The following GLIS1 variants were observed in gnomAD, a reference collection of about 807,000 sequenced individuals.
The protein encoded by GLIS1 is GLIS family zinc finger 1.
GLIS1 carries 24 observed loss-of-function variants against 63.8 expected under a neutral mutation model. That is an observed-to-expected ratio of 0.38 (90% confidence interval 0.27 to 0.53). The LOEUF is 0.53. GLIS1 is among the 20% of genes least tolerant of loss of function. The pLI is 0.85. For missense variants in GLIS1, 1,036 were observed against 1,074.1 expected, an observed-to-expected ratio of 0.96 and a Z score of 0.50; for synonymous variants, 450 against 482.5, an observed-to-expected ratio of 0.93 and a Z score of 0.88.
intron 2 of GLIS1, among the ~76,000 whole-genome samples, chr1:53,657,343 G>A (rs567897928): frequency 6.6e-6 from 1 of 152,280 alleles, no homozygotes; most frequent in Non-Finnish European, 1.5e-5. Context: ...AGTCTTCAGA[G>A]GACTCAGATC....
chr1:53,600,034 G>C (rs1365189202), intron 3 of GLIS1, 67 bp downstream of exon 3: 4 of 901,612 alleles, frequency 4.4e-6, no homozygotes, highest in Non-Finnish European at 5.8e-6. Flanking sequence ...AAGAGGAGGT[G>C]AGGCCTGAGG....
Position 53,646,931 on chromosome 1 carries a change from A to C in GLIS1, c.260-46653T>G, listed in dbSNP as rs1342501843. On this transcript the variant is annotated intron_variant, in intron 2 of 10. Transcript: ENST00000628545. This position sits in a 1 kb window ranked among gnomAD's most constrained non-coding sequence, Gnocchi z 4.2. ...AGGAAGGGAAGGAAGGAAGGAAGGA[A>C]AGAAGGAAGGAAAGGGAAGGGAAGG... 1.4e-5 allele frequency among the ~76,000 whole-genome samples: 2 copies of C among 146,424 alleles called. No homozygotes were observed. Among genetic ancestry groups the C allele is most frequent in the African/African-American group, 5.1e-5 (2 of 39,112 alleles).
chr1:53,530,009 T>G (rs935844760), intron 4 of GLIS1, 57 bp from the exon 5 acceptor site: 211 of 1,550,780 alleles, frequency 1.4e-4, no homozygotes, highest in Non-Finnish European at 1.8e-4. Context: ...CAACCCTGCA[T>G]GGAAACTAAC....
intron 2 of GLIS1, among the ~76,000 whole-genome samples, chr1:53,615,139 G>T (rs1015747370): frequency 1.3e-5 from 2 of 152,130 alleles, no homozygotes; most frequent in Non-Finnish European, 2.9e-5. Context: ...ATAGTTCCCT[G>T]TCCCTCCTGG....
At position 53,560,406 on chromosome 1, in the gene GLIS1, C is replaced by T. The variant is rs1001055017; in HGVS notation, c.1321-30454G>A. 1.3e-5 allele frequency among the ~76,000 whole-genome samples: 2 copies of T among 152,306 alleles called. No homozygotes were observed. Among genetic ancestry groups the T allele is most frequent in the Non-Finnish European group, 1.5e-5 (1 of 68,020 alleles). On this transcript the variant is annotated intron_variant, in intron 4 of 10. Coordinates refer to ENST00000628545, the MANE Select transcript of GLIS1 (RefSeq NM_001367484.1). This position sits in a 1 kb window ranked among gnomAD's most constrained non-coding sequence, Gnocchi z 4.4. ...TCACGAGTCAGGCAGGAGCTCGCTC[C>T]CTGTTTGCAAGGGCAGGGGTTCCAC...
chr1:53,707,447 C>T (rs1646591524), intron 2 of GLIS1, among the ~76,000 whole-genome samples: 1 of 152,190 alleles, frequency 6.6e-6, no homozygotes, highest in Non-Finnish European at 1.5e-5. Context: ...GTCAGGAGTT[C>T]AAGACAAGCC....
In GLIS1 at chr1:53,582,838, G is replaced by A. The variant is rs578028335; in HGVS notation, c.1320+11270C>T. The stretch of plus-strand genomic sequence containing the variant: ...GCAAATGTGAAGATCCAGGCAGTCG[G>A]CCTTGTGGCCTAGCTGAGGCACCTT... On this transcript the variant is annotated intron_variant, in intron 4 of 10. Transcript: ENST00000628545. Among the ~76,000 whole-genome samples the A allele has an allele frequency of 2.6e-5, 4 of 152,252 alleles. No individual in the cohort carries two copies. The East Asian group carries it at 7.7e-4, about 29-fold the overall frequency.
chr1:53,580,754 G>A (rs1012908532), intron 4 of GLIS1, among the ~76,000 whole-genome samples: 5 of 152,092 alleles, frequency 3.3e-5, no homozygotes, highest in Non-Finnish European at 5.9e-5. Flanking sequence ...AACCAATGCC[G>A]CTTTCCTTCC....
chr1:53,727,144 G>T (rs183117518), intron 2 of GLIS1, among the ~76,000 whole-genome samples: 1 of 152,200 alleles, frequency 6.6e-6, no homozygotes, highest in Non-Finnish European at 1.5e-5. Context: ...ACTCAGTTCC[G>T]ACTCTAAAAG....
chr1:53,621,804 G>A (rs1645545663), intron 2 of GLIS1, among the ~76,000 whole-genome samples: 2 of 151,980 alleles, frequency 1.3e-5, no homozygotes, highest in African/African-American at 4.8e-5. Flanking sequence ...AGACATCAAT[G>A]TTTCATACAG....
chr1:53,542,293 C>A (rs1002431316), intron 4 of GLIS1, among the ~76,000 whole-genome samples: 2 of 152,258 alleles, frequency 1.3e-5, no homozygotes, highest in African/African-American at 4.8e-5. Flanking sequence ...CAGACAGGAG[C>A]AAATTCCTGG....
At chr1:53,642,961 G>A (rs1645803099) in intron 2 of GLIS1, among the ~76,000 whole-genome samples, 1 of 152,174 alleles carries the variant, frequency 6.6e-6, no homozygotes, top group Admixed American at 6.5e-5. Context: ...AACAACTCAG[G>A]AATTGTGAGC....
rs1381459382 is a variant in GLIS1, at chr1:53,526,537, A to G, written c.1483-1650T>C. ...TCTCTCACACACCATACACACACAC[A>G]CACACACACACACACAAAACCACCA... On this transcript the variant is annotated intron_variant, in intron 5 of 10. Transcript: ENST00000628545. This position sits in a 1 kb window ranked among gnomAD's most constrained non-coding sequence, Gnocchi z 4.4. Among the ~76,000 whole-genome samples, 1 of 151,310 alleles carries G rather than the reference A, an allele frequency of 6.6e-6. No individual in the cohort carries two copies. The highest frequency in any genetic ancestry group is 1.5e-5 in the Non-Finnish European group (1 of 67,920).
At chr1:53,664,030 C>T (rs755077081) in intron 2 of GLIS1, among the ~76,000 whole-genome samples, 30 of 152,326 alleles carry the variant, frequency 2.0e-4, no homozygotes, top group Middle Eastern at 6.8e-3. Flanking sequence ...GGCAGAGAAT[C>T]CAACTCAGAA....
At chr1:53,605,541 T>C (rs867603246) in intron 2 of GLIS1, among the ~76,000 whole-genome samples, 5 of 152,158 alleles carry the variant, frequency 3.3e-5, no homozygotes, top group African/African-American at 4.8e-5. Flanking sequence ...CCATGGTTTT[T>C]CTCTAAATCT....
At chr1:53,534,789 C>T (rs942487990) in intron 4 of GLIS1, among the ~76,000 whole-genome samples, 3 of 152,024 alleles carry the variant, frequency 2.0e-5, no homozygotes, top group South Asian at 2.1e-4. Context: ...CTCAGCTGCC[C>T]CTCTGTGTGC....
chr1:53,590,569 G>C (rs982904559), intron 4 of GLIS1, among the ~76,000 whole-genome samples: 4 of 152,262 alleles, frequency 2.6e-5, no homozygotes, highest in African/African-American at 9.6e-5. Flanking sequence ...CCGTCTGGGA[G>C]AACCAACCTA....
At chr1:53,559,312 G>C (rs1644862129) in intron 4 of GLIS1, among the ~76,000 whole-genome samples, 2 of 152,182 alleles carry the variant, frequency 1.3e-5, no homozygotes, top group Non-Finnish European at 2.9e-5. Flanking sequence ...TGGTGGACTG[G>C]AGAGAGGACC....
chr1:53,704,579 G>A (rs944223641), intron 2 of GLIS1, among the ~76,000 whole-genome samples: 10 of 152,204 alleles, frequency 6.6e-5, no homozygotes, highest in African/African-American at 2.4e-4. Flanking sequence ...GGAGAGAAGG[G>A]GTGGGGAGGG....
Sources: gnomAD v4.1 joint callset for allele counts (sites outside exome capture counted in the v4.1 genomes callset) on GRCh38, gnomAD v4.1.1 for gene constraint, Gnocchi (gnomAD v3.1) non-coding constraint, MANE v1.5 for transcripts, NCBI Gene and HGNC (gene_info 2026-07-23, HGNC 2026-07-21) for gene names.